MYRF: variants seen among roughly 807,000 people sequenced by gnomAD.
MYRF encodes myelin regulatory factor.
Under a neutral mutation model 126.3 loss-of-function variants are expected in MYRF, and 16 were observed. The observed-to-expected ratio is 0.13, with a 90% confidence interval of 0.09 to 0.19. The LOEUF (loss-of-function observed/expected upper bound fraction) is 0.19. Among genes scored for constraint, MYRF ranks in the 10% least tolerant of loss-of-function variants. The probability of loss-of-function intolerance (pLI) is 1.00; values close to 1 mark genes in which losing one functional copy is unlikely to be tolerated. For synonymous variants in MYRF, 608 were observed against 635.3 expected, an observed-to-expected ratio of 0.96 and a Z score of 0.65; for missense variants, 1,104 against 1,547.0, an observed-to-expected ratio of 0.71 and a Z score of 4.80.
Position 61,770,255 on chromosome 11 carries a change from T to C in MYRF, c.470T>C (p.Leu157Pro). 1 of 1,606,924 alleles carries C rather than the reference T, an allele frequency of 6.2e-7. No individual in the cohort carries two copies. Among genetic ancestry groups the C allele is most frequent in the South Asian group, 1.1e-5 (1 of 90,222 alleles). The change falls in exon 5 of 27, where the codon CTC (leucine) becomes CCC (proline). Residue 157 changes from leucine (L) to proline (P), a missense_variant. Physicochemically the swap from Leu to Pro is moderately conservative, Grantham distance 98. Coordinates refer to ENST00000278836, the MANE Select transcript of MYRF (RefSeq NM_001127392.3). ...CCCATCTCTCCTGCAGAGCCCCACC[T>C]CCTGCGCACGATAACCCCTGAGACA... Reference protein sequence around the residue: ...YSPQQVNEPHLLRTITPETLC... With the variant: ...YSPQQVNEPHPLRTITPETLC...
intron 1 of MYRF, among the ~76,000 whole-genome samples, chr11:61,761,065 G>C (rs1264596418): frequency 1.3e-5 from 2 of 152,166 alleles, no homozygotes; most frequent in African/African-American, 4.8e-5. Flanking sequence ...CAGCATCCTC[G>C]GGCCCCGGCC....
At chr11:61,763,007 C>T (rs1310145405) in intron 1 of MYRF, among the ~76,000 whole-genome samples, 5 of 152,088 alleles carry the variant, frequency 3.3e-5, no homozygotes, top group East Asian at 1.9e-4. Flanking sequence ...GGATTAGGGG[C>T]GATTAGGAGT....
intron 8 of MYRF, 108 bp from the exon 9 acceptor site, chr11:61,775,946 CCT>C (rs1479364505): frequency 5.0e-6 from 5 of 1,007,296 alleles, no homozygotes; most frequent in African/African-American, 1.6e-5. Context: ...TGGGTGCTGC[CCT>C]GTTTCCTGGT....
Position 61,783,019 on chromosome 11 carries a change from A to G in MYRF, c.3017-479A>G, listed in dbSNP as rs940750805. The G allele has an allele frequency of 1.9e-5, 3 of 154,672 alleles. No individual in the cohort carries two copies. Among genetic ancestry groups the G allele is most frequent in the African/African-American group, 7.2e-5 (3 of 41,504 alleles). The allele number at this position is 154,672 out of a possible 1,614,324, so 9.6% of individuals were successfully genotyped here. A position where few individuals can be genotyped will look rare whatever the true frequency, so the allele number is the denominator to read the frequency against. On this transcript the variant is annotated intron_variant, in intron 22 of 26. Coordinates refer to ENST00000278836, the MANE Select transcript of MYRF (RefSeq NM_001127392.3). The surrounding 1 kb of genome is among the most constrained non-coding windows in gnomAD (Gnocchi z 4.6). ...ACTTCAGTCCCACCCCTACCCAGCC[A>G]GCCAGCCTGCAGTCGGTTTGTTCAG...
intron 8 of MYRF, among the ~76,000 whole-genome samples, chr11:61,775,056 A>G (rs1285918982): frequency 1.3e-5 from 2 of 151,970 alleles, no homozygotes; most frequent in East Asian, 3.9e-4. Context: ...TGGCCTTGCT[A>G]TTGCCCTGGA....
Position 61,776,862 on chromosome 11 carries a change from G to A in MYRF, c.1575G>A (p.Glu525=). 6.2e-7 allele frequency: 1 copy of A among 1,606,852 alleles called. No homozygotes were observed. ...QNYTLAAQIS[E]RIIVRASNPG... ...ACACGCTGGCCGCCCAGATCTCAGA[G>A]CGCATCATTGTGCGGGTGAGGGCCA... is the stretch of plus-strand genomic sequence containing the variant. Residue 525 remains glutamate (E), a synonymous_variant, in exon 11 of 27, where the codon GAG becomes GAA. Transcript: ENST00000278836. The surrounding 1 kb of genome is among the most constrained non-coding windows in gnomAD (Gnocchi z 4.3).
chr11:61,762,819 T>G (rs1337047873), intron 1 of MYRF, among the ~76,000 whole-genome samples: 1 of 152,078 alleles, frequency 6.6e-6, no homozygotes, highest in Non-Finnish European at 1.5e-5. Flanking sequence ...CCCCACCCAC[T>G]GGCCTCCCCG....
chr11:61,780,602 G>T, intron 18 of MYRF, 110 bp from the exon 19 acceptor site: 1 of 1,108,348 alleles, frequency 9.0e-7, no homozygotes, highest in Non-Finnish European at 1.3e-6. Flanking sequence ...GCAGGGCCTT[G>T]GGCTCTGTGA....
At chr11:61,779,738 A>C in intron 16 of MYRF, 104 bp from the exon 17 acceptor site, 1 of 1,243,420 alleles carries the variant, frequency 8.0e-7, no homozygotes, top group Non-Finnish European at 1.1e-6. Flanking sequence ...CCCCCGGGGA[A>C]ATGGGGCACC....
At position 61,780,251 on chromosome 11, in the gene MYRF, T is replaced by G; in HGVS notation, c.2366T>G (p.Leu789Arg). ...SVVSMSTLYV[L>R]SLRTEEDLVD... ...GTGTCCATGTCCACACTGTACGTGCTGAGCCTGCGCACAGAGGAGGACCTG... is the reference window on the plus strand; with the variant it reads ...GTGTCCATGTCCACACTGTACGTGCGGAGCCTGCGCACAGAGGAGGACCTG... The change falls in exon 18 of 27, where the codon CTG becomes CGG. Residue 789 changes from leucine (L) to arginine (R), a missense_variant. Leu to Arg is a moderately radical substitution (Grantham distance 102). Coordinates refer to ENST00000278836, the MANE Select transcript of MYRF (RefSeq NM_001127392.3). 6.2e-7 allele frequency: 1 copy of G among 1,614,076 alleles called. No individual in the cohort carries two copies. Among genetic ancestry groups the G allele is most frequent in the Non-Finnish European group, 8.5e-7 (1 of 1,179,956 alleles).
At chr11:61,759,102 A>G (rs904285391) in intron 1 of MYRF, among the ~76,000 whole-genome samples, 3 of 152,202 alleles carry the variant, frequency 2.0e-5, no homozygotes, top group African/African-American at 7.2e-5. Flanking sequence ...GTAGGCACAG[A>G]TGGGCACAGG....
chr11:61,772,013 C>T lies in MYRF; in HGVS notation c.1115+61C>T, dbSNP rs1412758261. 5 of 1,597,244 alleles carry T rather than the reference C, an allele frequency of 3.1e-6. No individual in the cohort carries two copies. In the East Asian group the frequency reaches 6.7e-5, roughly 21 times the overall value. ...CCCCCCACCTTGGGACGCCCCAGCC[C>T]AGGACCCCATCAAGGTCCTGGAGCA... On this transcript the variant is annotated intron_variant, in intron 7 of 26. Transcript: ENST00000278836.
At chr11:61,753,158 AAGCGG>A (rs2065653119) in intron 1 of MYRF, among the ~76,000 whole-genome samples, 1 of 151,968 alleles carries the variant, frequency 6.6e-6, no homozygotes, top group Admixed American at 6.6e-5. Context: ...CCAGAACCCC[AAGCGG>A]GATACAACCC....
At chr11:61,773,389 G>C (rs1351482643) in intron 7 of MYRF, among the ~76,000 whole-genome samples, 1 of 152,204 alleles carries the variant, frequency 6.6e-6, no homozygotes, top group Non-Finnish European at 1.5e-5. Flanking sequence ...GTCTGAGGGA[G>C]AGTCCAGGAG....
intron 1 of MYRF, among the ~76,000 whole-genome samples, chr11:61,761,080 C>G (rs1388869815): frequency 6.6e-6 from 1 of 152,208 alleles, no homozygotes; most frequent in Non-Finnish European, 1.5e-5. Flanking sequence ...CCGGCCCACC[C>G]TACCCACAGC....
Position 61,776,170 on chromosome 11 carries a change from G to T in MYRF, c.1388+38G>T. 6.2e-7 allele frequency: 1 copy of T among 1,610,324 alleles called. No homozygotes were observed. The highest frequency in any genetic ancestry group is 1.3e-5 in the African/African-American group (1 of 74,930). ...CCCTGTTGGGGGTGGTACCTAGAAG[G>T]GTCCACAACTAAAGCTGGCTTGGGA... On this transcript the variant is annotated intron_variant, in intron 9 of 26. Transcript: ENST00000278836. This position sits in a 1 kb window ranked among gnomAD's most constrained non-coding sequence, Gnocchi z 4.3.
intron 1 of MYRF, among the ~76,000 whole-genome samples, chr11:61,761,260 G>GGT (rs376262285): frequency 5.8e-5 from 4 of 69,456 alleles, no homozygotes; most frequent in South Asian, 5.8e-4. Flanking sequence ...CACAGCTGGT[G>GGT]GGGGGGGGGG....
At chr11:61,775,489 T>C (rs904703153) in intron 8 of MYRF, among the ~76,000 whole-genome samples, 7 of 152,034 alleles carry the variant, frequency 4.6e-5, no homozygotes, top group African/African-American at 1.7e-4. Flanking sequence ...TGATTTTGAG[T>C]CTATGAGCTC....
At chr11:61,770,691 C>T (rs1211767567) in intron 5 of MYRF, among the ~76,000 whole-genome samples, 166 bp downstream of exon 5, 1 of 152,100 alleles carries the variant, frequency 6.6e-6, no homozygotes, top group Admixed American at 6.5e-5. Flanking sequence ...ACATGTTTAC[C>T]CAGCAATACC....
Sources: allele counts gnomAD v4.1 joint callset (sites outside exome capture counted in the v4.1 genomes callset), GRCh38; gene constraint gnomAD v4.1.1; non-coding constraint Gnocchi (gnomAD v3.1); transcripts MANE v1.5; gene names NCBI Gene and HGNC (gene_info 2026-07-23, HGNC 2026-07-21).